RSPH3: variants seen among roughly 807,000 people sequenced by gnomAD.
RSPH3 encodes radial spoke head 3.
In RSPH3, 21 loss-of-function variants were observed where a neutral mutation model predicts 43.8. That is an observed-to-expected ratio of 0.48 (90% CI 0.34 to 0.69). The LOEUF (loss-of-function observed/expected upper bound fraction) is 0.69, where lower values mean the gene tolerates loss of function less well. Ranked by LOEUF, RSPH3 falls within the 30% of genes least tolerant of loss-of-function variation. RSPH3 has a pLI of 0.01. For missense variants in RSPH3, 487 were observed against 516.0 expected (o/e 0.94, Z 0.54); for synonymous variants, 173 against 179.8 (o/e 0.96, Z 0.30).
At chr6:158,980,672 AG>A in intron 6 of RSPH3, 101 bp downstream of exon 6, 1 of 936,890 alleles carries the variant, frequency 1.1e-6, no homozygotes, top group East Asian at 2.6e-5. Context: ...TGTCAGAAAT[AG>A]AAAGACTCCA....
rs200029382 is a variant in RSPH3 at position 158,999,824 on chromosome 6, C to A, written c.-274G>T. 13 of 1,613,734 alleles carry A rather than the reference C, an allele frequency of 8.1e-6. No individual in the cohort carries two copies. In the East Asian group the frequency reaches 2.0e-4, roughly 25 times the overall value. On this transcript the variant is annotated 5_prime_UTR_variant, in exon 1 of 8. Coordinates refer to ENST00000367069, the MANE Select transcript of RSPH3 (RefSeq NM_031924.8). ...GGGTTCTGTCTGGGGGCGGGAACTC[C>A]GGGCAGTTCCGGTCCCCAGGTTTCC...
chr6:158,964,407 G>A, the RSPH3 span, among the ~76,000 whole-genome samples: 4 of 152,116 alleles, frequency 2.6e-5, no homozygotes, highest in African/African-American at 9.7e-5. Context: ...TTAGGACCTG[G>A]AGTCCAGATG....
At chr6:158,981,259 T>C (rs1778023340) in intron 5 of RSPH3, among the ~76,000 whole-genome samples, 1 of 152,242 alleles carries the variant, frequency 6.6e-6, no homozygotes, top group Admixed American at 6.5e-5. Flanking sequence ...AATATTATCA[T>C]GAAATATTAC....
rs1777834543 is a variant in RSPH3, at chr6:158,976,221, G to T, written c.*1317C>A. 2 of 152,004 alleles carry T rather than the reference G, an allele frequency of 1.3e-5. No individual in the cohort carries two copies. Among genetic ancestry groups the T allele is most frequent in the South Asian group, 4.1e-4 (2 of 4,828 alleles). The allele number at this position is 152,004 out of a possible 1,614,324, so 9.4% of individuals were successfully genotyped here. A position where few individuals can be genotyped will look rare whatever the true frequency, so the allele number is the denominator to read the frequency against. On this transcript the variant is annotated 3_prime_UTR_variant, in exon 8 of 8. Transcript: ENST00000367069. ...TAAAAATAAGTAAAAAGAAAAATAGGCTCTATTTATCTAAAGGCTCTGAAG... is the reference window on the plus strand; with the variant it reads ...TAAAAATAAGTAAAAAGAAAAATAGTCTCTATTTATCTAAAGGCTCTGAAG...
chr6:158,967,268 T>C, the RSPH3 span, among the ~76,000 whole-genome samples: 2 of 152,164 alleles, frequency 1.3e-5, no homozygotes, highest in African/African-American at 4.8e-5. Flanking sequence ...TTGGTTGGGA[T>C]TACAGGCACG....
At chr6:158,977,909 T>C in intron 7 of RSPH3, 61 bp from the exon 8 acceptor site, 5 of 1,377,522 alleles carry the variant, frequency 3.6e-6, no homozygotes, top group Non-Finnish European at 5.0e-6. Flanking sequence ...TTTCAGGAGT[T>C]ATAATGCTCA....
At chr6:158,980,199 C>T (rs1777984970) in intron 6 of RSPH3, among the ~76,000 whole-genome samples, 1 of 152,192 alleles carries the variant, frequency 6.6e-6, no homozygotes, top group Admixed American at 6.5e-5. Flanking sequence ...CTTTGGGAGG[C>T]CAAGGCAGGC....
chr6:158,972,311 A>T (rs561438195), downstream of RSPH3, among the ~76,000 whole-genome samples: 2 of 152,192 alleles, frequency 1.3e-5, no homozygotes, highest in South Asian at 4.1e-4. Flanking sequence ...GATGAAACAA[A>T]GACTAACTGA....
downstream of RSPH3, among the ~76,000 whole-genome samples, chr6:158,968,781 G>A (rs572597937): frequency 6.2e-4 from 94 of 150,466 alleles, no homozygotes; most frequent in Non-Finnish European, 9.9e-4. Context: ...GTGTGATCTC[G>A]GCTTACTGCA....
the RSPH3 span, among the ~76,000 whole-genome samples, chr6:158,964,030 C>G: frequency 6.6e-6 from 1 of 152,172 alleles, no homozygotes; most frequent in Non-Finnish European, 1.5e-5. Flanking sequence ...TCCTAGTTAT[C>G]AGGAATCATT....
chr6:158,982,360 TA>T, intron 5 of RSPH3, 124 bp downstream of exon 5: 2 of 619,258 alleles, frequency 3.2e-6, no homozygotes, highest in Non-Finnish European at 5.4e-6. Flanking sequence ...AAAAATACTA[TA>T]GATCTTTTTC....
Position 158,993,858 on chromosome 6 carries a change from G to A in RSPH3, c.185C>T (p.Ala62Val). Residue 62 changes from alanine (A) to valine (V), a missense_variant, in exon 2 of 8, where the codon GCA becomes GTA. By Grantham distance (64) the Ala-to-Val change is moderately conservative. Transcript: ENST00000367069. Reference protein sequence around the residue: ...DRRVIRGNTYALQTGPLLGRP... With the variant: ...DRRVIRGNTYVLQTGPLLGRP... ...ACTTACCAGTGGCCCTGTCTGGAGT[G>A]CATAAGTGTTACCTCGAATTACCCT... The A allele has an allele frequency of 6.2e-7, 1 of 1,604,044 alleles. No individual in the cohort carries two copies. The highest frequency in any genetic ancestry group is 1.1e-5 in the South Asian group (1 of 90,782).
In RSPH3 at chr6:158,984,434, T is replaced by TTTTATA. The variant is rs1300418942; in HGVS notation, c.347-628_347-627insTATAAA. Among the ~76,000 whole-genome samples, 110 of 63,648 alleles carry TTTTATA rather than the reference T, an allele frequency of 1.7e-3. 9 individuals carry two copies. Among genetic ancestry groups the TTTTATA allele is most frequent in the Middle Eastern group, 7.8e-3 (1 of 128 alleles). 41.8% of individuals were successfully genotyped at this position (63,648 alleles called of 152,430 possible). A position where few individuals can be genotyped will look rare whatever the true frequency, so the allele number is the denominator to read the frequency against. On this transcript the variant is annotated intron_variant, in intron 3 of 7. Coordinates refer to ENST00000367069, the MANE Select transcript of RSPH3 (RefSeq NM_031924.8). ...AGTACAACAGTGGATAAAAAGTCAA[T>TTTTATA]TATATATATATATATATATATATAT...
intron 6 of RSPH3, among the ~76,000 whole-genome samples, chr6:158,980,542 C>G (rs1777999126): frequency 6.6e-6 from 1 of 152,144 alleles, no homozygotes; most frequent in African/African-American, 2.4e-5. Flanking sequence ...GTCCATATTT[C>G]TTTCTACTAT....
At position 158,987,896 on chromosome 6, in the gene RSPH3, C is replaced by T. The variant is rs183848050; in HGVS notation, c.205-1475G>A. Among the ~76,000 whole-genome samples the T allele has an allele frequency of 9.1e-4, 139 of 152,184 alleles. 1 individual carries two copies. The highest frequency in any genetic ancestry group is 3.0e-3 in the African/African-American group (123 of 41,512). On this transcript the variant is annotated intron_variant, in intron 2 of 7. Transcript: ENST00000367069. ...CCTCATAGTAGAATTATGAGTGGACCGCATACCACAGTTATAGTATGAGAG... is the reference window on the plus strand; with the variant it reads ...CCTCATAGTAGAATTATGAGTGGACTGCATACCACAGTTATAGTATGAGAG...
In RSPH3 at chr6:158,999,921, C is replaced by G. The variant is rs1172322501; in HGVS notation, c.-371G>C. 8.7e-6 allele frequency: 14 copies of G among 1,611,782 alleles called. 1 individual carries two copies. In the East Asian group the frequency reaches 3.1e-4, roughly 36 times the overall value. On this transcript the variant is annotated 5_prime_UTR_variant, in exon 1 of 8. Transcript: ENST00000367069. ...AGCCGCGCCACCCAGGTAGGTGCGC[C>G]TGCGCTTTGCGAGGTTCCTGGCTAG... is the stretch of plus-strand genomic sequence containing the variant.
intron 3 of RSPH3, among the ~76,000 whole-genome samples, chr6:158,985,798 TTCTC>T (rs201972962): frequency 6.8e-4 from 101 of 147,918 alleles, no homozygotes; most frequent in African/African-American, 1.2e-3. Flanking sequence ...GTCTATGTAT[TTCTC>T]TCTCTCTCTC....
chr6:158,996,100 G>A (rs16889325), intron 1 of RSPH3, among the ~76,000 whole-genome samples: 17,388 of 151,836 alleles, frequency 0.11, 1,727 homozygotes, highest in East Asian at 0.42. Flanking sequence ...TGCCCTCTAC[G>A]GTGATTTTAA....
In RSPH3 at chr6:158,999,825, G is replaced by A. The variant is rs759241960; in HGVS notation, c.-275C>T. ...GGTTCTGTCTGGGGGCGGGAACTCC[G>A]GGCAGTTCCGGTCCCCAGGTTTCCC... On this transcript the variant is annotated 5_prime_UTR_variant, in exon 1 of 8. Coordinates refer to ENST00000367069, the MANE Select transcript of RSPH3 (RefSeq NM_031924.8). 2 of 1,613,730 alleles carry A rather than the reference G, an allele frequency of 1.2e-6. No individual in the cohort carries two copies. The highest frequency in any genetic ancestry group is 1.7e-6 in the Non-Finnish European group (2 of 1,179,866).
Sources: gnomAD v4.1 joint callset for allele counts (sites outside exome capture counted in the v4.1 genomes callset) on GRCh38, gnomAD v4.1.1 for gene constraint, MANE v1.5 for transcripts, NCBI Gene and HGNC (gene_info 2026-07-23, HGNC 2026-07-21) for gene names.